The following BUB1 variants were observed in gnomAD, a reference collection of about 807,000 sequenced individuals.
BUB1 encodes the protein BUB1 mitotic checkpoint serine/threonine kinase.
Under a neutral mutation model 135.2 loss-of-function variants are expected in BUB1, and 84 were observed. The observed-to-expected ratio is 0.62, with a 90% CI of 0.52 to 0.74. BUB1 has a LOEUF of 0.74. Among genes scored for constraint, BUB1 ranks in the 30% least tolerant of loss-of-function variants. The pLI is 0.00. For synonymous variants in BUB1, 403 were observed against 434.4 expected (o/e 0.93, Z 0.90); for missense variants, 1,162 against 1,288.3 (o/e 0.90, Z 1.50).
intron 6 of BUB1, among the ~76,000 whole-genome samples, chr2:110,668,275 A>C (rs1207309800): frequency 2.0e-5 from 3 of 151,986 alleles, no homozygotes; most frequent in African/African-American, 7.3e-5. Context: ...TCCTTCACTA[A>C]ACAAATATTT....
At position 110,648,986 on chromosome 2, in the gene BUB1, G is replaced by T; in HGVS notation, c.2347+248C>A. On this transcript the variant is annotated intron_variant, in intron 19 of 24. Transcript: ENST00000302759. This position sits in a 1 kb window ranked among gnomAD's most constrained non-coding sequence, Gnocchi z 4.2. Reference sequence around the variant, plus strand: ...TGGATAGCTGGCTTTAAAAGTAAATGCATTTTTAATTTTAATAGATATTGG... The same window carrying T: ...TGGATAGCTGGCTTTAAAAGTAAATTCATTTTTAATTTTAATAGATATTGG... 1 of 295,338 alleles carries T rather than the reference G, an allele frequency of 3.4e-6. No homozygotes were observed. Among genetic ancestry groups the T allele is most frequent in the Non-Finnish European group, 6.2e-6 (1 of 160,648 alleles). 18.3% of individuals were successfully genotyped at this position (295,338 alleles called of 1,614,324 possible). A position where few individuals can be genotyped will look rare whatever the true frequency, so the allele number is the denominator to read the frequency against.
At position 110,658,511 on chromosome 2, in the gene BUB1, A is replaced by G. The variant is rs138462565; in HGVS notation, c.1415T>C (p.Met472Thr). Reference sequence around the variant, plus strand: ...AAGTGTAGGAGCCTGAAACATATTCATGATGAAACCTTAAAGAACAAAAAG... The same window carrying G: ...AAGTGTAGGAGCCTGAAACATATTCGTGATGAAACCTTAAAGAACAAAAAG... ...VHTKEALGFI[M>T]NMFQAPTLPD... Residue 472 changes from methionine (M) to threonine (T), a missense_variant, in exon 13 of 25, where the codon ATG (methionine) becomes ACG (threonine). By Grantham distance (81) the Met-to-Thr change is moderately conservative (BLOSUM62 -1). Coordinates refer to ENST00000302759, the MANE Select transcript of BUB1 (RefSeq NM_004336.5). 3 of 1,613,748 alleles carry G rather than the reference A, an allele frequency of 1.9e-6. No individual in the cohort carries two copies. Among genetic ancestry groups the G allele is most frequent in the Non-Finnish European group, 2.5e-6 (3 of 1,179,888 alleles).
rs191676457 is a variant in BUB1, at chr2:110,672,958, G to A, written c.226-101C>T. On this transcript the variant is annotated intron_variant, in intron 3 of 24. Coordinates refer to ENST00000302759, the MANE Select transcript of BUB1 (RefSeq NM_004336.5). ...AAGCTGGGAGCCCCTAGGTAGCTTCGGATGGGAGCTGGTCATCAGCAAAAC... is the reference window on the plus strand; with the variant it reads ...AAGCTGGGAGCCCCTAGGTAGCTTCAGATGGGAGCTGGTCATCAGCAAAAC... 1,398 of 1,208,520 alleles carry A rather than the reference G, an allele frequency of 1.2e-3. 18 individuals carry two copies. The African/African-American group carries it at 0.019, about 16-fold the overall frequency. 74.9% of individuals were successfully genotyped at this position (1,208,520 alleles called of 1,614,324 possible). A position where few individuals can be genotyped will look rare whatever the true frequency, so the allele number is the denominator to read the frequency against.
intron 9 of BUB1, 196 bp downstream of exon 9, chr2:110,666,067 A>G (rs1690243651): frequency 2.2e-6 from 1 of 448,146 alleles, no homozygotes; most frequent in African/African-American, 2.0e-5. Context: ...CATGTAAAAC[A>G]TACTACCATT....
intron 4 of BUB1, among the ~76,000 whole-genome samples, chr2:110,671,644 A>T (rs774746068): frequency 6.6e-6 from 1 of 152,230 alleles, no homozygotes; most frequent in Non-Finnish European, 1.5e-5. Context: ...AACTCTTCAT[A>T]TACTCTTTGA....
rs1340997520 is a variant in BUB1 at position 110,658,641 on chromosome 2, G to T, written c.1378C>A (p.Pro460Thr). The T allele has an allele frequency of 1.9e-6, 3 of 1,614,218 alleles. No homozygotes were observed. Among genetic ancestry groups the T allele is most frequent in the Non-Finnish European group, 2.5e-6 (3 of 1,180,028 alleles). Residue 460 changes from proline to threonine, a missense_variant, in exon 12 of 25, where the codon CCC becomes ACC. Transcript: ENST00000302759. ...QATPSKVQPS[P>T]TVHTKEALGF... ...AATGCTTCTTTTGTGTGCACGGTGG[G>T]TGATGGCTGCACTTTGGATGGCGTT...
rs1452211619 is a variant in BUB1 at position 110,638,019 on chromosome 2, G to T, written c.3203C>A (p.Ala1068Asp). 3.1e-6 allele frequency: 5 copies of T among 1,604,186 alleles called. No individual in the cohort carries two copies. The highest frequency in any genetic ancestry group is 1.7e-5 in the Admixed American group (1 of 58,306). ...FQQHYTNKIR[A>D]LRNRLIVLLL... ...CAGTACAATTAGCCTATTACGTAGG[G>T]CCCTAATCTTGTTAGTATAGTGTTG... is the stretch of plus-strand genomic sequence containing the variant. The change falls in exon 25 of 25, where the codon GCC (alanine) becomes GAC (aspartate). Residue 1068 changes from alanine (A) to aspartate (D), a missense_variant. Physicochemically the swap from Ala to Asp is moderately radical, Grantham distance 126 (BLOSUM62 -2). Transcript: ENST00000302759.
intron 4 of BUB1, among the ~76,000 whole-genome samples, chr2:110,671,620 A>G (rs1392230397): frequency 6.6e-6 from 1 of 152,220 alleles, no homozygotes; most frequent in African/African-American, 2.4e-5. Flanking sequence ...GGTTACATGC[A>G]CCACAAGTGT....
rs1186172386 is a variant in BUB1, at chr2:110,638,071, T to G, written c.3151A>C (p.Arg1051=). The G allele has an allele frequency of 1.1e-5, 18 of 1,612,782 alleles. No individual in the cohort carries two copies. Among genetic ancestry groups the G allele is most frequent in the Non-Finnish European group, 1.5e-5 (18 of 1,179,498 alleles). ...TGAAATACTTTCTTCAGCTTTTGCC[T>G]TAACAAATCCAAAGATGGAAGATGA... ...CHHLPSLDLL[R]QKLKKVFQQH... Residue 1051 remains arginine, a synonymous_variant, in exon 25 of 25, where the codon AGG becomes CGG. Transcript: ENST00000302759.
intron 19 of BUB1, among the ~76,000 whole-genome samples, chr2:110,647,509 A>C (rs527660149): frequency 1.3e-5 from 2 of 152,292 alleles, no homozygotes; most frequent in South Asian, 4.1e-4. Flanking sequence ...AAATGCAGAA[A>C]ATATTGAAAG....
In BUB1 at chr2:110,665,087, G is replaced by C. The variant is rs186339587; in HGVS notation, c.957+1176C>G. Among the ~76,000 whole-genome samples, 199 of 152,268 alleles carry C rather than the reference G, an allele frequency of 1.3e-3. 2 individuals are homozygous for C. The highest frequency in any genetic ancestry group is 2.0e-3 in the Non-Finnish European group (134 of 68,034). ...CTACATGATACACTCCCTTTTATAA[G>C]GTATGACAGAAGACTATGCTGCAAG... On this transcript the variant is annotated intron_variant, in intron 9 of 24. Coordinates refer to ENST00000302759, the MANE Select transcript of BUB1 (RefSeq NM_004336.5).
intron 3 of BUB1, 30 bp downstream of exon 3, chr2:110,674,056 G>A (rs766537105): frequency 1.4e-6 from 2 of 1,447,712 alleles, no homozygotes; most frequent in Admixed American, 4.0e-5. Context: ...CATGATTATA[G>A]ATTTGATTAT....
chr2:110,677,555 T>C (rs749789926), intron 1 of BUB1, among the ~76,000 whole-genome samples: 2 of 152,190 alleles, frequency 1.3e-5, no homozygotes, highest in Non-Finnish European at 2.9e-5. Flanking sequence ...AGATTATGGA[T>C]AGGAGAGCAA....
intron 15 of BUB1, 34 bp downstream of exon 15, chr2:110,657,002 G>A (rs1232945237): frequency 2.0e-6 from 3 of 1,535,108 alleles, no homozygotes; most frequent in Non-Finnish European, 2.7e-6. Context: ...ATGGGTTGTA[G>A]GACCCATTTC....
At position 110,667,717 on chromosome 2, in the gene BUB1, G is replaced by A. The variant is rs199706001; in HGVS notation, c.621-12C>T. 2.5e-5 allele frequency: 40 copies of A among 1,610,814 alleles called. No homozygotes were observed. In the Admixed American group the frequency reaches 3.0e-4, roughly 12 times the overall value. On this transcript the variant is annotated splice_polypyrimidine_tract_variant and intron_variant, in intron 7 of 24. Transcript: ENST00000302759. ...TCACTCTTCGTTCCCTACAATGGGGGAAAATACATTATTTACAACAATGTA... is the reference window on the plus strand; with the variant it reads ...TCACTCTTCGTTCCCTACAATGGGGAAAAATACATTATTTACAACAATGTA...
chr2:110,666,356 T>G lies in BUB1; in HGVS notation c.864A>C (p.Leu288=). ...GAAGTTCATCCATTTTCTGTTTTAA[T>G]AGCTGTTCTTCAAAAGCATTTGCTT... ...RKEANAFEEQ[L]LKQKMDELHK... The change falls in exon 9 of 25, where the codon CTA becomes CTC. Residue 288 remains leucine, a synonymous_variant. Coordinates refer to ENST00000302759, the MANE Select transcript of BUB1 (RefSeq NM_004336.5). The G allele has an allele frequency of 6.5e-7, 1 of 1,540,828 alleles. No homozygotes were observed. The highest frequency in any genetic ancestry group is 8.8e-7 in the Non-Finnish European group (1 of 1,142,054).
At position 110,678,034 on chromosome 2, in the gene BUB1, C is replaced by T. The variant is rs908644729; in HGVS notation, c.-39G>A. 7 of 1,586,158 alleles carry T rather than the reference C, an allele frequency of 4.4e-6. No individual in the cohort carries two copies. Among genetic ancestry groups the T allele is most frequent in the African/African-American group, 2.7e-5 (2 of 73,918 alleles). On this transcript the variant is annotated 5_prime_UTR_variant, in exon 1 of 25. Transcript: ENST00000302759. ...TGGCCGGCAGCGGCCAAACCTGAAC[C>T]GCAAACTAGAAGCCGCCGCCGATTC...
Position 110,678,034 on chromosome 2 carries a change from C to A in BUB1, c.-39G>T. The A allele has an allele frequency of 1.9e-6, 3 of 1,586,276 alleles. No homozygotes were observed. The highest frequency in any genetic ancestry group is 1.7e-6 in the Non-Finnish European group (2 of 1,168,910). On this transcript the variant is annotated 5_prime_UTR_variant, in exon 1 of 25. Transcript: ENST00000302759. ...TGGCCGGCAGCGGCCAAACCTGAAC[C>A]GCAAACTAGAAGCCGCCGCCGATTC...
At chr2:110,651,602 T>G (rs1306187028) in intron 17 of BUB1, among the ~76,000 whole-genome samples, 1 of 152,206 alleles carries the variant, frequency 6.6e-6, no homozygotes, top group Non-Finnish European at 1.5e-5. Flanking sequence ...AACCTAACTA[T>G]AGTGTTTCTG....
Sources: allele counts gnomAD v4.1 joint callset (sites outside exome capture counted in the v4.1 genomes callset), GRCh38; gene constraint gnomAD v4.1.1; non-coding constraint Gnocchi (gnomAD v3.1); transcripts MANE v1.5; gene names NCBI Gene and HGNC (gene_info 2026-07-23, HGNC 2026-07-21).